Variants in KCTD3 observed in about 807,000 individuals in gnomAD.
KCTD3 encodes potassium channel tetramerization domain containing 3.
Under a neutral mutation model 85.8 loss-of-function variants are expected in KCTD3, and 41 were observed. The observed-to-expected ratio is 0.48, with a 90% CI of 0.37 to 0.62. The LOEUF is 0.62. Among genes scored for constraint, KCTD3 ranks in the 20% least tolerant of loss-of-function variants. KCTD3 has a pLI of 0.00. For synonymous variants in KCTD3, 338 were observed against 345.4 expected, an observed-to-expected ratio of 0.98 and a Z score of 0.24; for missense variants, 724 against 989.9, an observed-to-expected ratio of 0.73 and a Z score of 3.60.
chr1:215,590,911 T>C (rs916818655), intron 9 of KCTD3, among the ~76,000 whole-genome samples: 5 of 152,244 alleles, frequency 3.3e-5, no homozygotes, highest in African/African-American at 1.2e-4. Flanking sequence ...TTACCTTTCT[T>C]TAAAAGTTAT....
chr1:215,610,318 A>G (rs971270519), intron 14 of KCTD3, among the ~76,000 whole-genome samples: 3 of 151,890 alleles, frequency 2.0e-5, no homozygotes, highest in Non-Finnish European at 4.4e-5. Context: ...CCAAGAAGCG[A>G]TCAAAGGTCA....
At position 215,592,721 on chromosome 1, in the gene KCTD3, A is replaced by T. The variant is rs1040645074; in HGVS notation, c.818-2635A>T. Among the ~76,000 whole-genome samples the T allele has an allele frequency of 2.6e-5, 4 of 152,250 alleles. No homozygotes were observed. The East Asian group carries it at 7.7e-4, about 29-fold the overall frequency. On this transcript the variant is annotated intron_variant, in intron 9 of 17. Coordinates refer to ENST00000259154, the MANE Select transcript of KCTD3 (RefSeq NM_016121.5). ...GTTAACAAATATTCTTCAGAACATG[A>T]CAACACTATCCAAAGAAAATTGTTA... is the stretch of plus-strand genomic sequence containing the variant.
intron 10 of KCTD3, among the ~76,000 whole-genome samples, chr1:215,598,766 C>T (rs1414759800): frequency 6.6e-6 from 1 of 151,998 alleles, no homozygotes; most frequent in East Asian, 1.9e-4. Context: ...AGTAAATTGA[C>T]AGACACGTCT....
chr1:215,618,006 C>T, intron 15 of KCTD3: 2 of 375,892 alleles, frequency 5.3e-6, no homozygotes, highest in Admixed American at 2.8e-5. Flanking sequence ...TTGCTGTGGC[C>T]ACTTCTTTGG....
intron 17 of KCTD3, among the ~76,000 whole-genome samples, chr1:215,619,633 A>G (rs997273792): frequency 2.6e-5 from 4 of 152,182 alleles, no homozygotes; most frequent in African/African-American, 9.6e-5. Context: ...CAGGGACAAT[A>G]TTTATCTGTG....
At position 215,577,659 on chromosome 1, in the gene KCTD3, T is replaced by C; in HGVS notation, c.258-11T>C. On this transcript the variant is annotated splice_polypyrimidine_tract_variant and intron_variant, in intron 4 of 17. Coordinates refer to ENST00000259154, the MANE Select transcript of KCTD3 (RefSeq NM_016121.5). The stretch of plus-strand genomic sequence containing the variant: ...AGTGTTAGAGAATTTACATCATTTG[T>C]TTCTTTGTAGGGGAGTGAGTATTAA... The C allele has an allele frequency of 6.4e-7, 1 of 1,571,048 alleles. No homozygotes were observed. Among genetic ancestry groups the C allele is most frequent in the South Asian group, 1.1e-5 (1 of 90,116 alleles).
chr1:215,620,864 CACTT>C lies in KCTD3; in HGVS notation c.*249_*252del. The C allele has an allele frequency of 2.3e-6, 1 of 442,686 alleles. No individual in the cohort carries two copies. Among genetic ancestry groups the C allele is most frequent in the Non-Finnish European group, 3.9e-6 (1 of 253,292 alleles). 27.4% of individuals were successfully genotyped at this position (442,686 alleles called of 1,614,324 possible). ...TTTATAAAGCAGGAGTCCATTTTAA[CACTT>C]ACCGACTTTTTTTGGTTTGGAAACA... On this transcript the variant is annotated 3_prime_UTR_variant, in exon 18 of 18. Transcript: ENST00000259154.
intron 8 of KCTD3, among the ~76,000 whole-genome samples, chr1:215,583,812 G>A (rs1238317568): frequency 6.6e-6 from 1 of 152,160 alleles, no homozygotes; most frequent in Non-Finnish European, 1.5e-5. Context: ...GGAGAGCTCA[G>A]TTAGAAACTG....
Position 215,579,128 on chromosome 1 carries a change from G to A in KCTD3, c.526G>A (p.Val176Ile), listed in dbSNP as rs1429826209. Residue 176 changes from valine to isoleucine, a missense_variant, in exon 7 of 18, where the codon GTT becomes ATT. Val to Ile is a conservative substitution (Grantham distance 29, BLOSUM62 3). Transcript: ENST00000259154. ...PVLSGTGEET[V>I]RLGFPVDPRK... ...TCTCTCTGGAACGGGAGAAGAAACT[G>A]TTAGGCTAGGTAAGCAAAGATTACA... The A allele has an allele frequency of 6.2e-6, 10 of 1,610,180 alleles. No individual in the cohort carries two copies. In the African/African-American group the frequency reaches 1.1e-4, roughly 17 times the overall value.
intron 1 of KCTD3, among the ~76,000 whole-genome samples, chr1:215,568,482 T>TCC (rs1218010597): frequency 7.4e-5 from 1 of 13,528 alleles, no homozygotes; most frequent in African/African-American, 3.8e-4. Flanking sequence ...TTTCTGGCCT[T>TCC]CCGCCCCCCC....
In KCTD3 at chr1:215,569,091, A is replaced by G. The variant is rs1659264103; in HGVS notation, c.83+1323A>G. ...ATCCCTACACTGGTTTCTACTTGCT[A>G]TTGATAGTTAATGTATTTCTTTTCT... is the stretch of plus-strand genomic sequence containing the variant. On this transcript the variant is annotated intron_variant, in intron 1 of 17. Coordinates refer to ENST00000259154, the MANE Select transcript of KCTD3 (RefSeq NM_016121.5). 2.0e-5 allele frequency among the ~76,000 whole-genome samples: 3 copies of G among 150,772 alleles called. No homozygotes were observed. In the South Asian group the frequency reaches 6.3e-4, roughly 32 times the overall value.
chr1:215,596,316 G>A (rs1660415114), intron 10 of KCTD3, among the ~76,000 whole-genome samples: 1 of 152,090 alleles, frequency 6.6e-6, no homozygotes, highest in South Asian at 2.1e-4. Context: ...GATCCCTATG[G>A]TTGTTCAAGT....
At position 215,611,854 on chromosome 1, in the gene KCTD3, G is replaced by T. The variant is rs1015704611; in HGVS notation, c.1495G>T (p.Val499Leu). The change falls in exon 15 of 18, where the codon GTG becomes TTG. Residue 499 changes from valine to leucine, a missense_variant. This residue lies in a region of KCTD3 where 136 missense variants were observed against 197.6 expected (regional missense o/e 0.69). Coordinates refer to ENST00000259154, the MANE Select transcript of KCTD3 (RefSeq NM_016121.5). ...GPFGERDDQQ[V>L]FIQKVVPITN... is the part of the protein sequence containing the mutation. ...TTTTGGAGAGCGAGACGATCAACAG[G>T]TGTTTATCCAGAAAGTTGTTCCCAT... 7 of 1,608,238 alleles carry T rather than the reference G, an allele frequency of 4.4e-6. No individual in the cohort carries two copies. Among genetic ancestry groups the T allele is most frequent in the Non-Finnish European group, 2.6e-6 (3 of 1,176,062 alleles).
intron 1 of KCTD3, among the ~76,000 whole-genome samples, chr1:215,568,016 C>T (rs1484761812): frequency 6.6e-6 from 1 of 152,192 alleles, no homozygotes; most frequent in Non-Finnish European, 1.5e-5. Context: ...GGCAGAGTAG[C>T]TGCTGTCCTA....
Position 215,567,594 on chromosome 1 carries a change from T to A in KCTD3, c.-92T>A, listed in dbSNP as rs1158897417. 4.6e-6 allele frequency: 3 copies of A among 657,032 alleles called. No individual in the cohort carries two copies. Among genetic ancestry groups the A allele is most frequent in the Admixed American group, 1.0e-4 (2 of 19,558 alleles). The allele number at this position is 657,032 out of a possible 1,614,324, so 40.7% of individuals were successfully genotyped here. The stretch of plus-strand genomic sequence containing the variant: ...CCGGCCGCCGCCGCCCCGCTGGCCC[T>A]GCAGCCGTCGCCGCTGCCTCGGGCT... On this transcript the variant is annotated 5_prime_UTR_variant, in exon 1 of 18. Coordinates refer to ENST00000259154, the MANE Select transcript of KCTD3 (RefSeq NM_016121.5).
At chr1:215,612,193 A>G (rs1655258471) in intron 15 of KCTD3, among the ~76,000 whole-genome samples, 1 of 152,202 alleles carries the variant, frequency 6.6e-6, no homozygotes, top group Non-Finnish European at 1.5e-5. Context: ...CCAAACATAA[A>G]TACTTATTAA....
rs1213441880 is a variant in KCTD3, at chr1:215,608,160, G to T, written c.1453G>T (p.Gly485Ter). The change falls in exon 14 of 18, where the codon GGA becomes TGA. Residue 485 changes from glycine (G) to a stop codon, truncating the protein, a stop_gained. Coordinates refer to ENST00000259154, the MANE Select transcript of KCTD3 (RefSeq NM_016121.5). LOFTEE classifies it high-confidence loss of function. ...ETESHGSYSS[G>*]NDIGPFGERD... ...AGAAAGTCATGGTAGCTATTCCTCT[G>T]GAAATGACATAGGTGGGTTAGGTTA... 1 of 1,609,774 alleles carries T rather than the reference G, an allele frequency of 6.2e-7. No homozygotes were observed. The highest frequency in any genetic ancestry group is 8.5e-7 in the Non-Finnish European group (1 of 1,177,942).
In KCTD3 at chr1:215,567,443, A is replaced by T; in HGVS notation, c.-243A>T. 4.6e-6 allele frequency: 1 copy of T among 217,710 alleles called. No homozygotes were observed. The highest frequency in any genetic ancestry group is 8.8e-6 in the Non-Finnish European group (1 of 113,486). The allele number at this position is 217,710 out of a possible 1,614,324, so 13.5% of individuals were successfully genotyped here. ...AGGCCCGGGCGGCCCGGCGGCCTGG[A>T]GGCCGCGAAAGGTGGAGGCCGGGCC... On this transcript the variant is annotated 5_prime_UTR_variant, in exon 1 of 18. Coordinates refer to ENST00000259154, the MANE Select transcript of KCTD3 (RefSeq NM_016121.5).
intron 8 of KCTD3, 97 bp from the exon 9 acceptor site, chr1:215,586,398 T>A (rs1660010281): frequency 1.9e-6 from 2 of 1,043,918 alleles, no homozygotes; most frequent in African/African-American, 3.2e-5. Flanking sequence ...TTTTTTTTTG[T>A]TTTTTGTTGT....
Sources: allele counts gnomAD v4.1 joint callset (sites outside exome capture counted in the v4.1 genomes callset), GRCh38; gene constraint gnomAD v4.1.1; regional missense constraint gnomAD v4.1.1; transcripts MANE v1.5; gene names NCBI Gene and HGNC (gene_info 2026-07-23, HGNC 2026-07-21).